Variants in SYNPO2 observed in about 807,000 individuals in gnomAD.
SYNPO2 encodes the protein synaptopodin-2.
In SYNPO2, 56 loss-of-function variants were observed where a neutral mutation model predicts 85.0. That is an observed-to-expected ratio of 0.66 (90% confidence interval 0.53 to 0.82). SYNPO2 has a LOEUF of 0.82. Ranked by LOEUF, SYNPO2 falls within the 40% of genes least tolerant of loss-of-function variation. The pLI, the probability that SYNPO2 is intolerant of heterozygous loss-of-function variation, is 0.00. For synonymous variants in SYNPO2, 602 were observed against 591.1 expected (o/e 1.02, Z -0.27); for missense variants, 1,575 against 1,534.2 (o/e 1.03, Z -0.44).
chr4:118,972,912 G>T (rs1349955263), intron 1 of SYNPO2, among the ~76,000 whole-genome samples: 1 of 152,110 alleles, frequency 6.6e-6, no homozygotes, highest in East Asian at 1.9e-4. Flanking sequence ...TTGTAAGCTG[G>T]CTATCCCCGC....
chr4:119,025,417 A>G (rs1469173163), intron 2 of SYNPO2, among the ~76,000 whole-genome samples: 1 of 152,188 alleles, frequency 6.6e-6, no homozygotes, highest in African/African-American at 2.4e-5. Flanking sequence ...TATTACAGGG[A>G]AGCTTTTCCA....
intron 1 of SYNPO2, among the ~76,000 whole-genome samples, chr4:118,907,714 T>C (rs1392956170): frequency 6.6e-6 from 1 of 152,104 alleles, no homozygotes; most frequent in Non-Finnish European, 1.5e-5. Context: ...AATATAAAAA[T>C]GACACATTGT....
At chr4:118,935,604 G>C (rs369754764) in intron 1 of SYNPO2, among the ~76,000 whole-genome samples, 16 of 152,212 alleles carry the variant, frequency 1.1e-4, no homozygotes, top group African/African-American at 3.9e-4. Context: ...AAATAAGTTG[G>C]CCGTTGAAAA....
intron 1 of SYNPO2, among the ~76,000 whole-genome samples, chr4:118,952,601 T>G (rs1000227648): frequency 6.6e-6 from 1 of 152,078 alleles, no homozygotes; most frequent in Non-Finnish European, 1.5e-5. Flanking sequence ...GTAAAATTGG[T>G]AAAAATATCA....
chr4:119,046,555 G>T (rs1400975248), intron 4 of SYNPO2, among the ~76,000 whole-genome samples: 2 of 152,146 alleles, frequency 1.3e-5, no homozygotes, highest in African/African-American at 4.8e-5. Flanking sequence ...TTGAACAAAA[G>T]GTCCTGCCAG....
At chr4:118,927,807 T>TAGATAGATAGATAGAA (rs1225142357) in intron 1 of SYNPO2, among the ~76,000 whole-genome samples, 1 of 151,712 alleles carries the variant, frequency 6.6e-6, no homozygotes, top group Non-Finnish European at 1.5e-5. Context: ...GATAGATAGA[T>TAGATAGATAGATAGAA]ATCATTTGAA....
intron 1 of SYNPO2, among the ~76,000 whole-genome samples, chr4:118,989,707 G>A (rs533907581): frequency 6.6e-6 from 1 of 152,272 alleles, no homozygotes; most frequent in East Asian, 1.9e-4. Flanking sequence ...GCAAACATAA[G>A]CCAAATGCAC....
At chr4:118,863,251 G>A (rs534892508) in intron 1 of SYNPO2, among the ~76,000 whole-genome samples, 1 of 152,284 alleles carries the variant, frequency 6.6e-6, no homozygotes, top group South Asian at 2.1e-4. Flanking sequence ...TCCTTTAAAT[G>A]TTTGATAGAC....
Position 119,030,550 on chromosome 4 carries a change from T to A in SYNPO2, c.1775T>A (p.Phe592Tyr). Residue 592 changes from phenylalanine (F) to tyrosine (Y), a missense_variant, in exon 4 of 5, where the codon TTC becomes TAC. Phe to Tyr is a conservative substitution (Grantham distance 22). Coordinates refer to ENST00000307142, the MANE Select transcript of SYNPO2 (RefSeq NM_133477.3). Reference sequence around the variant, plus strand: ...CCCATGAATAGAACGGCCAAACCCTTCCCAGGGTCTGTGAATCAGCCAGCT... The same window carrying A: ...CCCATGAATAGAACGGCCAAACCCTACCCAGGGTCTGTGAATCAGCCAGCT... ...MVPMNRTAKP[F>Y]PGSVNQPATP... The A allele has an allele frequency of 6.2e-7, 1 of 1,614,110 alleles. No homozygotes were observed. The highest frequency in any genetic ancestry group is 8.5e-7 in the Non-Finnish European group (1 of 1,180,012).
At chr4:118,996,324 A>G (rs10031000) in intron 1 of SYNPO2, among the ~76,000 whole-genome samples, 42,539 of 152,046 alleles carry the variant, frequency 0.28, 6,347 homozygotes, top group African/African-American at 0.38. Flanking sequence ...TCCCAAAATG[A>G]TCAGCCACCC....
chr4:118,867,003 C>A (rs1462386095), intron 1 of SYNPO2, among the ~76,000 whole-genome samples: 1 of 151,894 alleles, frequency 6.6e-6, no homozygotes, highest in East Asian at 1.9e-4. Flanking sequence ...TTTTTAAAGT[C>A]TAACTGAGGG....
At chr4:118,873,954 G>A (rs555442737) in intron 1 of SYNPO2, among the ~76,000 whole-genome samples, 1 of 151,656 alleles carries the variant, frequency 6.6e-6, no homozygotes, top group Non-Finnish European at 1.5e-5. Flanking sequence ...TTTCCCACCG[G>A]CATTTATTAA....
chr4:118,867,340 G>A (rs996661595), intron 1 of SYNPO2, among the ~76,000 whole-genome samples: 26 of 152,252 alleles, frequency 1.7e-4, no homozygotes, highest in African/African-American at 6.0e-4. Flanking sequence ...TGCAATGAAA[G>A]ATCTTACTGT....
chr4:118,942,465 G>A (rs114671619), intron 1 of SYNPO2, among the ~76,000 whole-genome samples: 1,884 of 152,236 alleles, frequency 0.012, 29 homozygotes, highest in African/African-American at 0.042. Flanking sequence ...GTTTCACCTG[G>A]AAAGCACAAC....
chr4:118,960,295 T>A (rs1332139342), intron 1 of SYNPO2, among the ~76,000 whole-genome samples: 2 of 152,148 alleles, frequency 1.3e-5, no homozygotes, highest in Non-Finnish European at 2.9e-5. Context: ...TAAAAGATAT[T>A]CAACATCATT....
At chr4:118,951,524 G>A (rs1450243227) in intron 1 of SYNPO2, among the ~76,000 whole-genome samples, 1 of 152,170 alleles carries the variant, frequency 6.6e-6, no homozygotes, top group East Asian at 1.9e-4. Context: ...AGTACATGAA[G>A]AAACAGCAAG....
intron 2 of SYNPO2, among the ~76,000 whole-genome samples, chr4:119,026,034 T>C (rs529605401): frequency 4.3e-4 from 65 of 152,304 alleles, no homozygotes; most frequent in African/African-American, 1.5e-3. Context: ...GACTTAATGA[T>C]TCATTGCAGC....
intron 1 of SYNPO2, among the ~76,000 whole-genome samples, chr4:118,916,711 C>T (rs1262588408): frequency 6.9e-6 from 1 of 145,516 alleles, no homozygotes; most frequent in African/African-American, 2.5e-5. Flanking sequence ...TCTTCCTCTT[C>T]CTCTTTTATT....
chr4:118,887,166 A>AGTGTGTGTGTGT (rs71595329), upstream of SYNPO2, among the ~76,000 whole-genome samples: 827 of 139,122 alleles, frequency 5.9e-3, 17 homozygotes, highest in African/African-American at 0.021. Flanking sequence ...CATCTGAGTG[A>AGTGTGTGTGTGT]GTGTGTGTGT....
Sources: gnomAD v4.1 joint callset for allele counts (sites outside exome capture counted in the v4.1 genomes callset) on GRCh38, gnomAD v4.1.1 for gene constraint, MANE v1.5 for transcripts, NCBI Gene and HGNC (gene_info 2026-07-23, HGNC 2026-07-21) for gene names.